CDH8: variants seen among roughly 807,000 people sequenced by gnomAD.
CDH8 encodes the protein cadherin 8, also known as cadherin-8.
Under a neutral mutation model 68.1 loss-of-function variants are expected in CDH8, and 17 were observed. That is an observed-to-expected ratio of 0.25 (90% CI 0.17 to 0.37). The LOEUF is 0.37. CDH8 is among the 10% of genes least tolerant of loss of function. The pLI is 1.00. For synonymous variants in CDH8, 372 were observed against 365.1 expected, an observed-to-expected ratio of 1.02 and a Z score of -0.21; for missense variants, 763 against 999.3, an observed-to-expected ratio of 0.76 and a Z score of 3.19.
intron 10 of CDH8, among the ~76,000 whole-genome samples, chr16:61,685,653 T>C (rs528189189): frequency 6.6e-6 from 1 of 152,142 alleles, no homozygotes; most frequent in South Asian, 2.1e-4. Flanking sequence ...ACATAGGGTA[T>C]GCAAAGTGCT....
chr16:61,901,548 T>C, intron 2 of CDH8, 75 bp from the exon 3 acceptor site: 8 of 1,050,062 alleles, frequency 7.6e-6, no homozygotes, highest in Non-Finnish European at 1.1e-5. Context: ...CCTTTTTGAA[T>C]ATTAAGTTGG....
chr16:61,842,873 C>T (rs2143008859), intron 4 of CDH8, among the ~76,000 whole-genome samples: 1 of 152,208 alleles, frequency 6.6e-6, no homozygotes, highest in East Asian at 1.9e-4. Flanking sequence ...AAATTCAGCA[C>T]CTTGACATTT....
chr16:61,914,796 T>C (rs1964213587), intron 2 of CDH8, among the ~76,000 whole-genome samples: 1 of 151,278 alleles, frequency 6.6e-6, no homozygotes, highest in South Asian at 2.1e-4. Flanking sequence ...TGGGGTCTTT[T>C]AGAAGGCTGA....
At chr16:61,990,957 AAGAAAGAAAGAAAG>A (rs1454830074) in intron 2 of CDH8, among the ~76,000 whole-genome samples, 1 of 150,460 alleles carries the variant, frequency 6.6e-6, no homozygotes. Flanking sequence ...AGAGAGAAAA[AAGAAAGAAAGAAAG>A]AGAAAGAAAG....
chr16:61,686,477 T>C (rs1050646903), intron 10 of CDH8, among the ~76,000 whole-genome samples: 1 of 151,994 alleles, frequency 6.6e-6, no homozygotes, highest in Non-Finnish European at 1.5e-5. Context: ...GTTCAAGTGG[T>C]ACTTTTTAAG....
chr16:61,787,343 C>G (rs1961250249), intron 8 of CDH8, among the ~76,000 whole-genome samples: 3 of 147,352 alleles, frequency 2.0e-5, no homozygotes, highest in Middle Eastern at 6.8e-3. Flanking sequence ...TGAAAAAATG[C>G]TCATCATCAC....
At chr16:61,801,355 G>A (rs1961624124) in intron 7 of CDH8, among the ~76,000 whole-genome samples, 1 of 152,116 alleles carries the variant, frequency 6.6e-6, no homozygotes, top group South Asian at 2.1e-4. Flanking sequence ...TTTATCTAAG[G>A]GAAGACACTG....
At chr16:62,008,148 T>G (rs1901717089) in intron 2 of CDH8, among the ~76,000 whole-genome samples, 1 of 151,646 alleles carries the variant, frequency 6.6e-6, no homozygotes, top group African/African-American at 2.4e-5. Context: ...TGTTGCCCAG[T>G]CTGGTCTCAA....
rs568093154 is a variant in CDH8, at chr16:61,814,562, G to A, written c.1277+2917C>T. 2.6e-5 allele frequency among the ~76,000 whole-genome samples: 4 copies of A among 152,300 alleles called. No homozygotes were observed. In the East Asian group the frequency reaches 7.7e-4, roughly 29 times the overall value. On this transcript the variant is annotated intron_variant, in intron 7 of 11. Coordinates refer to ENST00000577390, the MANE Select transcript of CDH8 (RefSeq NM_001796.5). ...AACAAATAACTGTATGTTTTAGCAT[G>A]GCAGATGCTGGGATAACTGCCTATT... is the stretch of plus-strand genomic sequence containing the variant.
At chr16:61,932,701 C>T (rs1964565589) in intron 2 of CDH8, among the ~76,000 whole-genome samples, 1 of 152,124 alleles carries the variant, frequency 6.6e-6, no homozygotes. Context: ...TGTTTCCTGT[C>T]TTCTATCAGC....
At chr16:61,793,062 C>A (rs1056738633) in intron 7 of CDH8, among the ~76,000 whole-genome samples, 2 of 151,802 alleles carry the variant, frequency 1.3e-5, no homozygotes, top group Middle Eastern at 3.2e-3. Context: ...GAAGCCCTCA[C>A]AAATGAAATT....
intron 3 of CDH8, among the ~76,000 whole-genome samples, chr16:61,860,548 T>A (rs1288282092): frequency 6.6e-6 from 1 of 152,194 alleles, no homozygotes; most frequent in Admixed American, 6.5e-5. Flanking sequence ...AATTTATTTT[T>A]TTGCTTTGTT....
rs904717320 is a variant in CDH8, at chr16:61,769,196, G to C, written c.1414+20150C>G. ...TATTATAAAAAAGTATTTCAACCTT[G>C]CAGAACGCTTAAAAATGTCTCAAAG... is the stretch of plus-strand genomic sequence containing the variant. On this transcript the variant is annotated intron_variant, in intron 8 of 11. Coordinates refer to ENST00000577390, the MANE Select transcript of CDH8 (RefSeq NM_001796.5). 1.3e-4 allele frequency among the ~76,000 whole-genome samples: 20 copies of C among 151,746 alleles called. 1 individual carries two copies. The highest frequency in any genetic ancestry group is 7.9e-4 in the Admixed American group (12 of 15,176).
chr16:61,664,141 C>T (rs1477543405), intron 10 of CDH8, among the ~76,000 whole-genome samples: 1 of 151,838 alleles, frequency 6.6e-6, no homozygotes, highest in Non-Finnish European at 1.5e-5. Flanking sequence ...TCTACCTCCC[C>T]TTAGCCATAA....
chr16:61,658,929 T>C (rs555620040), intron 10 of CDH8, among the ~76,000 whole-genome samples: 1 of 152,294 alleles, frequency 6.6e-6, no homozygotes, highest in East Asian at 1.9e-4. Context: ...CCACATCTTT[T>C]GTTAGATTTA....
chr16:61,824,110 C>G (rs931301652), intron 5 of CDH8, among the ~76,000 whole-genome samples: 2 of 151,628 alleles, frequency 1.3e-5, no homozygotes, highest in Non-Finnish European at 2.9e-5. Flanking sequence ...AAAGGAGATC[C>G]TGTCATTTGC....
intron 2 of CDH8, among the ~76,000 whole-genome samples, chr16:61,945,330 A>G (rs1964784072): frequency 6.6e-6 from 1 of 152,080 alleles, no homozygotes; most frequent in Non-Finnish European, 1.5e-5. Flanking sequence ...CTGCTTCTTA[A>G]AAAACGGTTA....
At chr16:61,773,831 T>C (rs796696432) in intron 8 of CDH8, among the ~76,000 whole-genome samples, 1 of 152,060 alleles carries the variant, frequency 6.6e-6, no homozygotes, top group Admixed American at 6.6e-5. Context: ...ATATGTGAGG[T>C]GAGTCCTTGT....
intron 2 of CDH8, among the ~76,000 whole-genome samples, chr16:61,917,968 CTT>C (rs71390381): frequency 0.19 from 24,660 of 131,426 alleles, 2,345 homozygotes; most frequent in Middle Eastern, 0.24. Context: ...AAGTTATTTG[CTT>C]TTTTTTTTTT....
Sources: gnomAD v4.1 joint callset for allele counts (sites outside exome capture counted in the v4.1 genomes callset) on GRCh38, gnomAD v4.1.1 for gene constraint, MANE v1.5 for transcripts, NCBI Gene and HGNC (gene_info 2026-07-23, HGNC 2026-07-21) for gene names.